Variants in ADAM22 observed in about 807,000 individuals in gnomAD.
The protein encoded by ADAM22 is ADAM metallopeptidase domain 22.
In ADAM22, 65 loss-of-function variants were observed where a neutral mutation model predicts 144.6. The ratio of observed to expected loss-of-function variants is 0.45; its 90% CI spans 0.37 to 0.55. The LOEUF (loss-of-function observed/expected upper bound fraction) is 0.55. Among genes scored for constraint, ADAM22 ranks in the 20% least tolerant of loss-of-function variants. The pLI is 0.00. For synonymous variants in ADAM22, 391 were observed against 412.6 expected (o/e 0.95, Z 0.63); for missense variants, 974 against 1,184.9 (o/e 0.82, Z 2.61).
At chr7:88,153,617 A>G (rs1265295507) in intron 21 of ADAM22, among the ~76,000 whole-genome samples, 1 of 152,140 alleles carries the variant, frequency 6.6e-6, no homozygotes, top group Admixed American at 6.5e-5. Flanking sequence ...AGCCACCAGA[A>G]TATGCACTGA....
chr7:88,065,390 T>C (rs1309825439), intron 3 of ADAM22, among the ~76,000 whole-genome samples: 1 of 152,074 alleles, frequency 6.6e-6, no homozygotes. Context: ...GTTTGCTTTG[T>C]GAATAACATT....
At chr7:88,024,845 A>T (rs7790491) in intron 3 of ADAM22, among the ~76,000 whole-genome samples, 73,474 of 151,666 alleles carry the variant, frequency 0.48, 18,099 homozygotes, top group East Asian at 0.64. Flanking sequence ...AATGATGGTT[A>T]CCACCTTCAT....
intron 3 of ADAM22, among the ~76,000 whole-genome samples, chr7:87,982,443 T>A (rs1853781529): frequency 6.6e-6 from 1 of 151,370 alleles, no homozygotes; most frequent in African/African-American, 2.4e-5. Flanking sequence ...CTTAGCATGC[T>A]TGAGAGACAG....
At chr7:88,091,789 T>G (rs1819926027) in intron 4 of ADAM22, among the ~76,000 whole-genome samples, 1 of 152,170 alleles carries the variant, frequency 6.6e-6, no homozygotes, top group Admixed American at 6.5e-5. Context: ...ATGCAAATAT[T>G]TTAATTACAG....
chr7:88,003,046 TG>T (rs1792944251), intron 3 of ADAM22, among the ~76,000 whole-genome samples: 1 of 152,186 alleles, frequency 6.6e-6, no homozygotes, highest in Non-Finnish European at 1.5e-5. Flanking sequence ...AGTGACTAAC[TG>T]GGATCAGAAT....
In ADAM22 at chr7:88,197,959, C is replaced by T. The variant is rs748419469; in HGVS notation, c.*1468C>T. ...TAAGATTCTATTTTAAAAGACCCTT[C>T]TTTAAAACCAAAGTTTGATAGCTGT... On this transcript the variant is annotated 3_prime_UTR_variant, in exon 32 of 32. Transcript: ENST00000413139. 3.3e-5 allele frequency: 5 copies of T among 152,186 alleles called. No individual in the cohort carries two copies. The highest frequency in any genetic ancestry group is 7.4e-5 in the Non-Finnish European group (5 of 68,020). 9.4% of individuals were successfully genotyped at this position (152,186 alleles called of 1,614,324 possible).
At chr7:87,966,742 T>TTG (rs1212707075) in intron 2 of ADAM22, among the ~76,000 whole-genome samples, 27 of 140,602 alleles carry the variant, frequency 1.9e-4, no homozygotes, top group African/African-American at 7.2e-4. Flanking sequence ...TTTTTTTTTT[T>TTG]TTTTTTTTTT....
intron 3 of ADAM22, among the ~76,000 whole-genome samples, chr7:88,068,581 A>G (rs1338110388): frequency 6.6e-6 from 1 of 152,226 alleles, no homozygotes; most frequent in Non-Finnish European, 1.5e-5. Flanking sequence ...TGTTAGAACA[A>G]GAAGGCATAG....
chr7:88,145,235 T>A (rs755500937), intron 16 of ADAM22, 39 bp downstream of exon 16: 7 of 1,605,254 alleles, frequency 4.4e-6, no homozygotes, highest in Non-Finnish European at 6.0e-6. Flanking sequence ...TTCTAGGTAA[T>A]TCAGGGTCAT....
chr7:88,111,209 A>C (rs552085085), intron 5 of ADAM22, among the ~76,000 whole-genome samples: 7 of 152,134 alleles, frequency 4.6e-5, no homozygotes, highest in African/African-American at 1.7e-4. Flanking sequence ...GTTGTTTAGT[A>C]ATTATTGCTT....
chr7:88,111,842 C>T (rs998426504), intron 5 of ADAM22, among the ~76,000 whole-genome samples: 1 of 152,052 alleles, frequency 6.6e-6, no homozygotes, highest in Non-Finnish European at 1.5e-5. Context: ...TATCATATAG[C>T]AATCTAGAGT....
intron 11 of ADAM22, chr7:88,131,875 C>T (rs576226430): frequency 4.2e-4 from 67 of 158,198 alleles, no homozygotes; most frequent in African/African-American, 1.1e-3. Context: ...GCATATTTGA[C>T]GTAATAGCAA....
intron 3 of ADAM22, among the ~76,000 whole-genome samples, chr7:88,038,279 A>G (rs1163893805): frequency 1.3e-5 from 2 of 152,190 alleles, no homozygotes; most frequent in African/African-American, 4.8e-5. Flanking sequence ...GCAATGAGCT[A>G]AATTTATTAC....
intron 4 of ADAM22, among the ~76,000 whole-genome samples, chr7:88,079,163 C>T (rs576723690): frequency 3.3e-5 from 5 of 152,296 alleles, no homozygotes; most frequent in African/African-American, 7.2e-5. Flanking sequence ...AGAAACTCTA[C>T]AAGCCAGAAG....
intron 3 of ADAM22, among the ~76,000 whole-genome samples, chr7:87,994,982 C>T (rs1036340121): frequency 2.0e-5 from 3 of 152,180 alleles, no homozygotes; most frequent in South Asian, 2.1e-4. Flanking sequence ...CGCCTGCCAC[C>T]GCGCCTGGCT....
intron 3 of ADAM22, among the ~76,000 whole-genome samples, chr7:88,035,359 A>G (rs1440441036): frequency 6.6e-6 from 1 of 152,220 alleles, no homozygotes; most frequent in Non-Finnish European, 1.5e-5. Flanking sequence ...CCAGCAGCTT[A>G]TCCCACATTT....
At chr7:87,972,177 GA>G (rs1850621331) in intron 2 of ADAM22, among the ~76,000 whole-genome samples, 1 of 152,148 alleles carries the variant, frequency 6.6e-6, no homozygotes, top group African/African-American at 2.4e-5. Context: ...TGTATATCTA[GA>G]AAACCCCATT....
At chr7:88,064,306 C>T (rs1290940326) in intron 3 of ADAM22, among the ~76,000 whole-genome samples, 2 of 152,092 alleles carry the variant, frequency 1.3e-5, no homozygotes, top group African/African-American at 4.8e-5. Flanking sequence ...GTTTAGTGGT[C>T]CAGAGAATGA....
chr7:88,044,442 A>T (rs1245456222), intron 3 of ADAM22, among the ~76,000 whole-genome samples: 2 of 152,104 alleles, frequency 1.3e-5, no homozygotes, highest in Non-Finnish European at 2.9e-5. Context: ...AATTCATATA[A>T]TGGAGACTTT....
Sources: gnomAD v4.1 joint callset for allele counts (sites outside exome capture counted in the v4.1 genomes callset) on GRCh38, gnomAD v4.1.1 for gene constraint, MANE v1.5 for transcripts, NCBI Gene and HGNC (gene_info 2026-07-23, HGNC 2026-07-21) for gene names.